The following ABCA5 variants were observed in gnomAD, a reference collection of about 807,000 sequenced individuals.
ABCA5 encodes the protein cholesterol transporter ABCA5.
Under a neutral mutation model 206.0 loss-of-function variants are expected in ABCA5, and 163 were observed. The ratio of observed to expected loss-of-function variants is 0.79; its 90% confidence interval spans 0.70 to 0.90. The LOEUF (loss-of-function observed/expected upper bound fraction) is 0.90, where lower values mean the gene tolerates loss of function less well. Ranked by LOEUF, ABCA5 falls within the 40% of genes least tolerant of loss-of-function variation. ABCA5 has a pLI of 0.00. For missense variants in ABCA5, 1,859 were observed against 1,912.9 expected (o/e 0.97, Z 0.53); for synonymous variants, 609 against 613.8 (o/e 0.99, Z 0.11).
rs912756380 is a variant in ABCA5, at chr17:69,289,886, T to C, written c.1758A>G (p.Ile586Met). ...NLSILASIKG[I>M]PANNIIQEVQ... ...CTTCTTGTATTATATTGTTGGCTGG[T>C]ATCCCTTTGATTGAAGCCAAAATTG... The change falls in exon 13 of 39, where the codon ATA (isoleucine) becomes ATG (methionine). Residue 586 changes from isoleucine to methionine, a missense_variant. Physicochemically the swap from Ile to Met is conservative, Grantham distance 10. Coordinates refer to ENST00000392676, the MANE Select transcript of ABCA5 (RefSeq NM_172232.4). 1.2e-6 allele frequency: 2 copies of C among 1,609,956 alleles called. No individual in the cohort carries two copies. The highest frequency in any genetic ancestry group is 1.7e-6 in the Non-Finnish European group (2 of 1,178,368).
intron 19 of ABCA5, 59 bp from the exon 20 acceptor site, chr17:69,274,187 C>A: frequency 7.0e-7 from 1 of 1,422,554 alleles, no homozygotes; most frequent in South Asian, 1.5e-5. Flanking sequence ...ATATGAAAAT[C>A]AATTAAAACT....
chr17:69,288,993 A>T (rs899955786), intron 14 of ABCA5, among the ~76,000 whole-genome samples, 184 bp downstream of exon 14: 2 of 152,150 alleles, frequency 1.3e-5, no homozygotes, highest in African/African-American at 2.4e-5. Context: ...TACTAAAATT[A>T]AAAAAAGTTA....
intron 6 of ABCA5, among the ~76,000 whole-genome samples, 189 bp from the exon 7 acceptor site, chr17:69,304,999 G>A (rs2075702279): frequency 6.6e-6 from 1 of 152,232 alleles, no homozygotes; most frequent in Non-Finnish European, 1.5e-5. Context: ...TTGGTTAAGT[G>A]ATAGGTAAAA....
At chr17:69,309,564 C>T in intron 3 of ABCA5, 141 bp from the exon 4 acceptor site, 2 of 646,228 alleles carry the variant, frequency 3.1e-6, no homozygotes, top group Non-Finnish European at 4.8e-6. Flanking sequence ...GAAAACAGTC[C>T]AAGCACAGTG....
At chr17:69,257,514 G>A (rs1453241975) in intron 28 of ABCA5, among the ~76,000 whole-genome samples, 5 of 152,116 alleles carry the variant, frequency 3.3e-5, no homozygotes, top group Admixed American at 2.6e-4. Context: ...GGAAAACCCA[G>A]ATTGCAGGGA....
At chr17:69,249,854 T>A (rs751255675) in intron 37 of ABCA5, 51 bp downstream of exon 37, 1 of 1,527,364 alleles carries the variant, frequency 6.5e-7, no homozygotes, top group South Asian at 1.3e-5. Flanking sequence ...TGAAAGGGAC[T>A]GAACATCTTC....
At chr17:69,277,362 G>C (rs965993170) in intron 19 of ABCA5, among the ~76,000 whole-genome samples, 6 of 152,010 alleles carry the variant, frequency 3.9e-5, no homozygotes, top group African/African-American at 1.4e-4. Context: ...GAAAGAAAAA[G>C]ATACAATGAC....
chr17:69,260,464 G>A, intron 26 of ABCA5, 52 bp from the exon 27 acceptor site: 1 of 1,189,752 alleles, frequency 8.4e-7, no homozygotes, highest in Non-Finnish European at 1.2e-6. Flanking sequence ...AGAAATATTT[G>A]GATTAAAATG....
chr17:69,321,830 A>G (rs1358283420), intron 1 of ABCA5, among the ~76,000 whole-genome samples: 1 of 152,210 alleles, frequency 6.6e-6, no homozygotes, highest in East Asian at 1.9e-4. Context: ...AGTTTGTTGT[A>G]GGGCTTTAAA....
intron 9 of ABCA5, 50 bp downstream of exon 9, chr17:69,301,089 C>CA: frequency 1.4e-6 from 2 of 1,469,914 alleles, no homozygotes; most frequent in South Asian, 1.5e-5. Flanking sequence ...CCTATGTGGG[C>CA]AAAAAAGCCT....
chr17:69,291,225 G>C lies in ABCA5; in HGVS notation c.1597C>G (p.Pro533Ala). ...LMNILCGLCP[P>A]SDGFASIYGH... is the part of the protein sequence containing the mutation. ...AAGACAGAAAACTCACCATCAGAAG[G>C]TGGGCAGAGTCCACAAAGAATATTC... Residue 533 changes from proline to alanine, a missense_variant, in exon 12 of 39, where the codon CCT becomes GCT. Pro to Ala is a conservative substitution (Grantham distance 27). Transcript: ENST00000392676. 1 of 1,587,062 alleles carries C rather than the reference G, an allele frequency of 6.3e-7. No homozygotes were observed. The highest frequency in any genetic ancestry group is 2.3e-5 in the East Asian group (1 of 44,234).
Position 69,254,508 on chromosome 17 carries a change from A to G in ABCA5, c.4069-18T>C, listed in dbSNP as rs1428774529. The G allele has an allele frequency of 6.3e-7, 1 of 1,599,062 alleles. No individual in the cohort carries two copies. The highest frequency in any genetic ancestry group is 8.5e-7 in the Non-Finnish European group (1 of 1,172,860). The stretch of plus-strand genomic sequence containing the variant: ...AAAAATACCTATAGAAACACAAACC[A>G]ATTTTTATTATTTTGCTTAATTTAC... On this transcript the variant is annotated intron_variant, in intron 31 of 38. Coordinates refer to ENST00000392676, the MANE Select transcript of ABCA5 (RefSeq NM_172232.4).
intron 17 of ABCA5, among the ~76,000 whole-genome samples, chr17:69,285,647 C>T (rs577975088): frequency 3.3e-5 from 5 of 151,674 alleles, no homozygotes; most frequent in South Asian, 2.1e-4. Flanking sequence ...ATTATTTTTA[C>T]GTTTTTTAAC....
chr17:69,266,123 T>C (rs1166955995), intron 23 of ABCA5, among the ~76,000 whole-genome samples: 1 of 152,082 alleles, frequency 6.6e-6, no homozygotes, highest in African/African-American at 2.4e-5. Context: ...TAAATACAAA[T>C]AGGATGAACT....
At chr17:69,287,056 TACAA>T (rs1377380425) in intron 15 of ABCA5, among the ~76,000 whole-genome samples, 1 of 152,202 alleles carries the variant, frequency 6.6e-6, no homozygotes. Context: ...GCCTAAACTG[TACAA>T]ACAATGTGGT....
At chr17:69,269,870 C>T (rs939254713) in intron 22 of ABCA5, among the ~76,000 whole-genome samples, 4 of 152,124 alleles carry the variant, frequency 2.6e-5, no homozygotes, top group East Asian at 1.9e-4. Flanking sequence ...ATAAGGAAAT[C>T]CATAGAAACA....
At chr17:69,316,711 G>A (rs1034783973) in intron 1 of ABCA5, among the ~76,000 whole-genome samples, 4 of 151,884 alleles carry the variant, frequency 2.6e-5, no homozygotes, top group Non-Finnish European at 5.9e-5. Context: ...GAAAATCCAT[G>A]CCTATACACA....
chr17:69,281,671 A>G (rs1387432695), intron 18 of ABCA5, among the ~76,000 whole-genome samples: 1 of 152,222 alleles, frequency 6.6e-6, no homozygotes, highest in Non-Finnish European at 1.5e-5. Context: ...GGACTACAGG[A>G]GCAACTTTAC....
chr17:69,256,495 G>T (rs1263530476), intron 28 of ABCA5, among the ~76,000 whole-genome samples: 5 of 143,088 alleles, frequency 3.5e-5, no homozygotes, highest in African/African-American at 1.3e-4. Context: ...ACACTCTGTT[G>T]CCCAGGCTGG....
Sources: gnomAD v4.1 joint callset for allele counts (sites outside exome capture counted in the v4.1 genomes callset) on GRCh38, gnomAD v4.1.1 for gene constraint, MANE v1.5 for transcripts, NCBI Gene and HGNC (gene_info 2026-07-23, HGNC 2026-07-21) for gene names.